The following HAPSTR1 variants were observed in gnomAD, a reference collection of about 807,000 sequenced individuals.
HAPSTR1 encodes HUWE1-associated protein modifying stress responses 1.
At chr16:9,092,307 G>T in the HAPSTR1 span, 4 of 1,443,730 alleles carry the variant, frequency 2.8e-6, no homozygotes, top group Non-Finnish European at 3.7e-6. Context: ...CCGCTTGGCC[G>T]CCCCCGCCCG....
At chr16:9,095,893 T>C in the HAPSTR1 span, among the ~76,000 whole-genome samples, 1 of 152,218 alleles carries the variant, frequency 6.6e-6, no homozygotes, top group Non-Finnish European at 1.5e-5. Context: ...ACTGCTGGTT[T>C]TTGATTTGAT....
the HAPSTR1 span, chr16:9,106,012 G>A: frequency 6.6e-6 from 1 of 152,142 alleles, no homozygotes; most frequent in Non-Finnish European, 1.5e-5. Context: ...TGAATATTTC[G>A]TGTAGACAGA....
the HAPSTR1 span, among the ~76,000 whole-genome samples, chr16:9,114,901 C>G: frequency 6.6e-6 from 1 of 152,162 alleles, no homozygotes; most frequent in Non-Finnish European, 1.5e-5. Context: ...GAAGTATTCT[C>G]ATGTTAATGC....
At chr16:9,111,178 A>G in the HAPSTR1 span, 1 of 152,226 alleles carries the variant, frequency 6.6e-6, no homozygotes, top group Non-Finnish European at 1.5e-5. Flanking sequence ...GGAAACCCAC[A>G]CTCTCAGCAG....
At chr16:9,109,093 G>A in the HAPSTR1 span, 2 of 152,288 alleles carry the variant, frequency 1.3e-5, no homozygotes, top group East Asian at 3.9e-4. Context: ...ACACTGGAGG[G>A]ATCAGATCAT....
At chr16:9,097,998 G>A in the HAPSTR1 span, among the ~76,000 whole-genome samples, 1 of 152,200 alleles carries the variant, frequency 6.6e-6, no homozygotes, top group Non-Finnish European at 1.5e-5. Flanking sequence ...GGGAGGACAA[G>A]GATTGGATGC....
At chr16:9,113,257 T>G in the HAPSTR1 span, 1 of 152,190 alleles carries the variant, frequency 6.6e-6, no homozygotes, top group East Asian at 1.9e-4. Flanking sequence ...GTAGGCAGAC[T>G]TTGAAAATAT....
the HAPSTR1 span, chr16:9,117,036 A>G: frequency 4.3e-6 from 6 of 1,392,052 alleles, no homozygotes; most frequent in South Asian, 1.4e-5. Context: ...AGTGAATTCT[A>G]TAGTGGTTGC....
the HAPSTR1 span, among the ~76,000 whole-genome samples, chr16:9,100,983 A>G: frequency 2.6e-5 from 4 of 152,238 alleles, no homozygotes; most frequent in East Asian, 7.7e-4. Context: ...CTCTTCAGAA[A>G]CAGAAACTTC....
the HAPSTR1 span, chr16:9,119,987 G>T: frequency 1.3e-5 from 2 of 152,190 alleles, no homozygotes; most frequent in African/African-American, 4.8e-5. Flanking sequence ...TTTGAAATGG[G>T]GCCATAAGTT....
At chr16:9,105,850 C>T in the HAPSTR1 span, 6 of 152,298 alleles carry the variant, frequency 3.9e-5, no homozygotes, top group African/African-American at 1.4e-4. Flanking sequence ...ATAATGAAAG[C>T]AAACTCAGTT....
the HAPSTR1 span, chr16:9,092,997 C>T: frequency 7.5e-6 from 12 of 1,609,632 alleles, no homozygotes; most frequent in East Asian, 2.2e-5. Context: ...CCAATCTCTA[C>T]AAAGGTAAAG....
the HAPSTR1 span, among the ~76,000 whole-genome samples, chr16:9,100,993 C>A: frequency 6.6e-6 from 1 of 152,200 alleles, no homozygotes; most frequent in Non-Finnish European, 1.5e-5. Context: ...ACAGAAACTT[C>A]TTCATTTACA....
the HAPSTR1 span, chr16:9,109,349 G>C: frequency 6.6e-6 from 1 of 152,170 alleles, no homozygotes; most frequent in African/African-American, 2.4e-5. Flanking sequence ...GGGTCCTAGG[G>C]TGGGGAGCCC....
chr16:9,091,669 G>C, the HAPSTR1 span: 2 of 398,846 alleles, frequency 5.0e-6, no homozygotes, highest in East Asian at 7.1e-5. Context: ...GGGCTCCGCG[G>C]TGCAGGCCGA....
At chr16:9,092,557 G>A in the HAPSTR1 span, among the ~76,000 whole-genome samples, 2 of 152,274 alleles carry the variant, frequency 1.3e-5, no homozygotes, top group East Asian at 1.9e-4. Flanking sequence ...CCCTCGGCCC[G>A]GAGACGGGAG....
the HAPSTR1 span, among the ~76,000 whole-genome samples, chr16:9,095,624 CATTAAGAAGGTCAGGATTGAGA>C: frequency 1.3e-5 from 2 of 151,946 alleles, no homozygotes; most frequent in African/African-American, 4.8e-5. Flanking sequence ...TCCTGACCTT[CATTAAGAAGGTCAGGATTGAGA>C]TTAAAAACCC....
the HAPSTR1 span, chr16:9,092,328 C>T: frequency 1.5e-6 from 2 of 1,299,558 alleles, no homozygotes; most frequent in African/African-American, 1.5e-5. Context: ...GGCCCGGCCC[C>T]GGCCCTATCG....
At chr16:9,092,571 A>T in the HAPSTR1 span, among the ~76,000 whole-genome samples, 1 of 151,922 alleles carries the variant, frequency 6.6e-6, no homozygotes, top group Non-Finnish European at 1.5e-5. Context: ...ACGGGAGAGG[A>T]GGAGCCCCCG....
Sources: allele counts gnomAD v4.1 joint callset (sites outside exome capture counted in the v4.1 genomes callset), GRCh38; gene constraint gnomAD v4.1.1; transcripts MANE v1.5; gene names NCBI Gene and HGNC (gene_info 2026-07-23, HGNC 2026-07-21).